The following SLC9C2 variants were observed in gnomAD, a reference collection of about 807,000 sequenced individuals.
SLC9C2 encodes the protein sodium/hydrogen exchanger 11.
In SLC9C2, 75 loss-of-function variants were observed where a neutral mutation model predicts 140.2. The ratio of observed to expected loss-of-function variants is 0.53; its 90% CI spans 0.44 to 0.65. The LOEUF is 0.65. Among genes scored for constraint, SLC9C2 ranks in the 30% least tolerant of loss-of-function variants. The pLI, the probability that SLC9C2 is intolerant of heterozygous loss-of-function variation, is 0.00. For synonymous variants in SLC9C2, 375 were observed against 420.9 expected (o/e 0.89, Z 1.34); for missense variants, 1,074 against 1,331.8 (o/e 0.81, Z 3.01).
At chr1:173,501,164 A>G in intron 27 of SLC9C2, 67 bp from the exon 28 acceptor site, 1 of 1,431,214 alleles carries the variant, frequency 7.0e-7, no homozygotes, top group South Asian at 1.5e-5. Flanking sequence ...CTTACCTATT[A>G]AATGGAACCA....
Position 173,601,699 on chromosome 1 carries a change from A to C in SLC9C2, c.78T>G (p.Val26=). ...LLCGQPADYL[V]EEKHFTTLVC... is the part of the protein sequence containing the mutation. ...CAAGCGTTGTGAAATGTTTCTCTTCAACAAGGTAGTCAGCTGGCTGCCCGC... is the reference window on the plus strand; with the variant it reads ...CAAGCGTTGTGAAATGTTTCTCTTCCACAAGGTAGTCAGCTGGCTGCCCGC... The change falls in exon 2 of 28, where the codon GTT becomes GTG. Residue 26 remains valine, a synonymous_variant. Transcript: ENST00000367714. 6.2e-7 allele frequency: 1 copy of C among 1,614,076 alleles called. No homozygotes were observed. Among genetic ancestry groups the C allele is most frequent in the Non-Finnish European group, 8.5e-7 (1 of 1,179,944 alleles).
intron 8 of SLC9C2, among the ~76,000 whole-genome samples, chr1:173,574,118 G>A (rs902449443): frequency 2.0e-5 from 3 of 147,750 alleles, no homozygotes; most frequent in African/African-American, 4.9e-5. Context: ...GTGGTAGCAC[G>A]CCTGGGTCAG....
chr1:173,517,287 G>A (rs1267400173), intron 23 of SLC9C2, among the ~76,000 whole-genome samples: 2 of 152,124 alleles, frequency 1.3e-5, no homozygotes, highest in African/African-American at 4.8e-5. Context: ...TCAAAAGGTT[G>A]GTATTCTCTC....
chr1:173,544,588 C>T (rs191100773), intron 13 of SLC9C2, among the ~76,000 whole-genome samples: 2 of 152,236 alleles, frequency 1.3e-5, no homozygotes, highest in Non-Finnish European at 2.9e-5. Flanking sequence ...TTCACAATAG[C>T]AAAGACTTGG....
chr1:173,579,050 T>C (rs999930907), intron 7 of SLC9C2, among the ~76,000 whole-genome samples: 2 of 152,212 alleles, frequency 1.3e-5, no homozygotes, highest in Admixed American at 6.5e-5. Context: ...TTGGTTGAAA[T>C]CAGTATATAT....
intron 13 of SLC9C2, among the ~76,000 whole-genome samples, chr1:173,540,678 A>G (rs1383192460): frequency 1.3e-5 from 2 of 152,234 alleles, no homozygotes; most frequent in African/African-American, 4.8e-5. Context: ...GAGGATTTCT[A>G]GATTTCTAAT....
At chr1:173,510,130 C>A (rs922864185) in intron 23 of SLC9C2, among the ~76,000 whole-genome samples, 7 of 152,216 alleles carry the variant, frequency 4.6e-5, no homozygotes, top group Admixed American at 2.6e-4. Flanking sequence ...GTTACACGAA[C>A]TTCAGTGAAT....
chr1:173,592,556 T>C (rs968358088), intron 4 of SLC9C2, among the ~76,000 whole-genome samples: 1 of 152,202 alleles, frequency 6.6e-6, no homozygotes, highest in Non-Finnish European at 1.5e-5. Context: ...GTAGTTCTCA[T>C]TGTAGAGATC....
intron 3 of SLC9C2, among the ~76,000 whole-genome samples, chr1:173,599,361 G>GTTTTTTTTT (rs1558103752): frequency 2.0e-5 from 1 of 50,382 alleles, no homozygotes; most frequent in African/African-American, 7.5e-5. Context: ...CATTTTCCTT[G>GTTTTTTTTT]ATTTTTTTTT....
chr1:173,558,142 A>C (rs1023317459), intron 9 of SLC9C2, among the ~76,000 whole-genome samples: 1 of 152,226 alleles, frequency 6.6e-6, no homozygotes, highest in African/African-American at 2.4e-5. Context: ...AATTTCAGCG[A>C]AAGTGAAAAC....
At chr1:173,593,430 G>C (rs547923037) in intron 4 of SLC9C2, among the ~76,000 whole-genome samples, 3 of 152,302 alleles carry the variant, frequency 2.0e-5, no homozygotes, top group African/African-American at 7.2e-5. Context: ...TGAGGCAGGA[G>C]AATCACTTGA....
In SLC9C2 at chr1:173,548,426, G is replaced by T. The variant is rs1191610516; in HGVS notation, c.1424C>A (p.Thr475Asn). ...GATCCTCGTTTTATCTTCTACTAAG[G>T]TCCAGTTAACATTTGTCAAAATTTT... ...TEKILTNVNW[T>N]LVEDKTRIEY... Residue 475 changes from threonine to asparagine, a missense_variant, in exon 12 of 28, where the codon ACC becomes AAC. Physicochemically the swap from Thr to Asn is moderately conservative, Grantham distance 65. Transcript: ENST00000367714. 3.7e-6 allele frequency: 6 copies of T among 1,613,438 alleles called. No individual in the cohort carries two copies. Among genetic ancestry groups the T allele is most frequent in the Non-Finnish European group, 5.1e-6 (6 of 1,179,714 alleles).
intron 9 of SLC9C2, among the ~76,000 whole-genome samples, chr1:173,572,228 CCAGA>C (rs2102176115): frequency 6.6e-6 from 1 of 152,220 alleles, no homozygotes; most frequent in African/African-American, 2.4e-5. Flanking sequence ...TTTTAAGAGT[CCAGA>C]CAGAGAGGCA....
chr1:173,555,419 A>G (rs1036426029), intron 10 of SLC9C2: 1 of 152,306 alleles, frequency 6.6e-6, no homozygotes, highest in African/African-American at 2.4e-5. Flanking sequence ...CACTGAAAAG[A>G]GGAGTTAATA....
intron 18 of SLC9C2, among the ~76,000 whole-genome samples, chr1:173,528,434 A>G (rs990746484): frequency 2.6e-5 from 4 of 152,072 alleles, no homozygotes; most frequent in African/African-American, 9.7e-5. Context: ...TTCTGCTGAA[A>G]TCTTTTCTCC....
intron 13 of SLC9C2, among the ~76,000 whole-genome samples, chr1:173,544,559 T>G (rs1230054870): frequency 6.6e-6 from 1 of 152,066 alleles, no homozygotes; most frequent in African/African-American, 2.4e-5. Context: ...ACATGCAAAC[T>G]CTGTTTATTG....
At chr1:173,502,297 AG>A (rs1659338920) in intron 27 of SLC9C2, among the ~76,000 whole-genome samples, 1 of 149,520 alleles carries the variant, frequency 6.7e-6, no homozygotes, top group Non-Finnish European at 1.5e-5. Flanking sequence ...AAAAAAAAAA[AG>A]CTGTTTATTT....
At chr1:173,600,069 T>C in intron 3 of SLC9C2, 48 bp downstream of exon 3, 4 of 1,314,088 alleles carry the variant, frequency 3.0e-6, no homozygotes, top group Non-Finnish European at 4.3e-6. Flanking sequence ...GTGGACTTTA[T>C]TTTTGGCATT....
intron 3 of SLC9C2, 126 bp from the exon 4 acceptor site, chr1:173,598,158 A>G (rs1036901326): frequency 9.9e-7 from 1 of 1,007,922 alleles, no homozygotes; most frequent in Non-Finnish European, 1.4e-6. Flanking sequence ...GAGAGTATCT[A>G]CAAGGGCAGT....
Sources: gnomAD v4.1 joint callset for allele counts (sites outside exome capture counted in the v4.1 genomes callset) on GRCh38, gnomAD v4.1.1 for gene constraint, MANE v1.5 for transcripts, NCBI Gene and HGNC (gene_info 2026-07-23, HGNC 2026-07-21) for gene names.